DENND5B: variants seen among roughly 807,000 people sequenced by gnomAD.
DENND5B encodes DENN domain-containing protein 5B.
In DENND5B, 34 loss-of-function variants were observed where a neutral mutation model predicts 140.6. That is an observed-to-expected ratio of 0.24 (90% CI 0.18 to 0.32). DENND5B has a LOEUF of 0.32. Among genes scored for constraint, DENND5B ranks in the 10% least tolerant of loss-of-function variants. DENND5B has a pLI of 1.00. For synonymous variants in DENND5B, 551 were observed against 562.1 expected, an observed-to-expected ratio of 0.98 and a Z score of 0.28; for missense variants, 1,142 against 1,560.2, an observed-to-expected ratio of 0.73 and a Z score of 4.52.
At chr12:31,401,853 G>C (rs1439911387) in intron 15 of DENND5B, among the ~76,000 whole-genome samples, 1 of 152,026 alleles carries the variant, frequency 6.6e-6, no homozygotes. Context: ...TCAAACTCCT[G>C]GGCTCAAGCA....
intron 1 of DENND5B, among the ~76,000 whole-genome samples, chr12:31,573,631 T>C (rs149617287): frequency 1.3e-5 from 2 of 152,370 alleles, no homozygotes; most frequent in South Asian, 4.1e-4. Flanking sequence ...TCAACACTTG[T>C]GCAAGAGACT....
At position 31,587,526 on chromosome 12, in the gene DENND5B, C is replaced by CTTTTTTTTTT. The variant is rs71460995; in HGVS notation, c.127+3170_127+3179dup. Reference sequence around the variant, plus strand: ...CAACAACTTCTCTCACCACAAATACCTTTTTTTTTTTTTTTTTTTTTTTTT... The same window carrying CTTTTTTTTTT: ...CAACAACTTCTCTCACCACAAATACCTTTTTTTTTTTTTTTTTTTTTTTTTTTTTTTTTTT... On this transcript the variant is annotated intron_variant, in intron 1 of 20. Coordinates refer to ENST00000389082, the MANE Select transcript of DENND5B (RefSeq NM_144973.4). Among the ~76,000 whole-genome samples, 3 of 74,948 alleles carry CTTTTTTTTTT rather than the reference C, an allele frequency of 4.0e-5. 1 individual carries two copies. Among genetic ancestry groups the CTTTTTTTTTT allele is most frequent in the African/African-American group, 1.4e-4 (3 of 20,792 alleles). The allele number at this position is 74,948 out of a possible 152,430, so 49.2% of individuals were successfully genotyped here. A position where few individuals can be genotyped will look rare whatever the true frequency, so the allele number is the denominator to read the frequency against.
chr12:31,448,135 G>GT (rs536837626), intron 5 of DENND5B, among the ~76,000 whole-genome samples: 3,422 of 145,484 alleles, frequency 0.024, 53 homozygotes, highest in South Asian at 0.056. Flanking sequence ...TTGTAATTTC[G>GT]TTTTTTTTTT....
At chr12:31,584,691 G>T (rs1950333993) in intron 1 of DENND5B, among the ~76,000 whole-genome samples, 1 of 151,978 alleles carries the variant, frequency 6.6e-6, no homozygotes, top group African/African-American at 2.4e-5. Context: ...GCCAGGCATG[G>T]TGGCACATGC....
Position 31,590,951 on chromosome 12 carries a change from CCATGGCCGCG to C in DENND5B, c.-129_-120del. On this transcript the variant is annotated 5_prime_UTR_variant, in exon 1 of 21. The change abolishes an upstream ATG in the 5' untranslated region. Transcript: ENST00000389082. ...CCGCCCTAGGGCGACACTGGCGCGC[CCATGGCCGCG>C]CAGCCGCCTCTCGCCGCCGCAGCCT... 1 of 1,081,016 alleles carries C rather than the reference CCATGGCCGCG, an allele frequency of 9.3e-7. No homozygotes were observed. Among genetic ancestry groups the C allele is most frequent in the East Asian group, 5.2e-5 (1 of 19,370 alleles). The allele number at this position is 1,081,016 out of a possible 1,614,324, so 67.0% of individuals were successfully genotyped here. A position where few individuals can be genotyped will look rare whatever the true frequency, so the allele number is the denominator to read the frequency against.
intron 1 of DENND5B, among the ~76,000 whole-genome samples, chr12:31,521,586 C>A (rs181942968): frequency 2.6e-5 from 4 of 152,126 alleles, no homozygotes; most frequent in Non-Finnish European, 4.4e-5. Context: ...ATACAAGATG[C>A]CTACATAAAA....
intron 2 of DENND5B, among the ~76,000 whole-genome samples, chr12:31,480,854 T>TA (rs1946042854): frequency 6.6e-6 from 1 of 152,184 alleles, no homozygotes; most frequent in South Asian, 2.1e-4. Flanking sequence ...TTTGATCTAC[T>TA]AAAGCAGAAG....
chr12:31,521,046 C>G (rs955178457), intron 1 of DENND5B, among the ~76,000 whole-genome samples: 2 of 151,700 alleles, frequency 1.3e-5, no homozygotes, highest in African/African-American at 4.8e-5. Flanking sequence ...ACTCAAGTCA[C>G]ATGTGGCTAA....
At chr12:31,500,258 C>T (rs1317432263) in intron 1 of DENND5B, 3 of 408,806 alleles carry the variant, frequency 7.3e-6, no homozygotes, top group South Asian at 3.5e-5. Flanking sequence ...AAGAGCATCC[C>T]TAATTAGAAA....
chr12:31,457,044 T>A (rs1267210725), intron 4 of DENND5B, among the ~76,000 whole-genome samples: 1 of 152,182 alleles, frequency 6.6e-6, no homozygotes, highest in Non-Finnish European at 1.5e-5. Flanking sequence ...TGCCACCACA[T>A]TCCTGCCTGG....
rs149645342 is a variant in DENND5B at position 31,495,389 on chromosome 12, C to CTTTTTT, written c.237+415_237+420dup. 3.7e-5 allele frequency among the ~76,000 whole-genome samples: 5 copies of CTTTTTT among 136,198 alleles called. 1 individual carries two copies. Among genetic ancestry groups the CTTTTTT allele is most frequent in the Non-Finnish European group, 4.6e-5 (3 of 64,972 alleles). 89.4% of individuals were successfully genotyped at this position (136,198 alleles called of 152,430 possible). ...GAGAGTATCACATTTCTTTTTTTTTCTTTTTTTGAGACAGAGTCTCGCTCT... is the reference window on the plus strand; with the variant it reads ...GAGAGTATCACATTTCTTTTTTTTTCTTTTTTTTTTTTTGAGACAGAGTCTCGCTCT... On this transcript the variant is annotated intron_variant, in intron 2 of 20. Coordinates refer to ENST00000389082, the MANE Select transcript of DENND5B (RefSeq NM_144973.4).
At chr12:31,569,318 C>T (rs1472597421) in intron 1 of DENND5B, among the ~76,000 whole-genome samples, 1 of 152,182 alleles carries the variant, frequency 6.6e-6, no homozygotes, top group Non-Finnish European at 1.5e-5. Context: ...ATTCACCTGC[C>T]TCCCAAAGTT....
intron 4 of DENND5B, among the ~76,000 whole-genome samples, chr12:31,457,057 G>T (rs1245223607): frequency 6.6e-6 from 1 of 152,204 alleles, no homozygotes; most frequent in African/African-American, 2.4e-5. Context: ...CTGCCTGGGT[G>T]ACAGAGTGAG....
intron 14 of DENND5B, among the ~76,000 whole-genome samples, chr12:31,403,084 T>TTGGACA (rs1196049179): frequency 6.6e-6 from 1 of 152,238 alleles, no homozygotes; most frequent in East Asian, 1.9e-4. Context: ...GGATGACTTC[T>TTGGACA]TGGACAGTAT....
intron 3 of DENND5B, among the ~76,000 whole-genome samples, chr12:31,466,555 T>A (rs1218836384): frequency 6.6e-6 from 1 of 151,996 alleles, no homozygotes; most frequent in Non-Finnish European, 1.5e-5. Flanking sequence ...TAGCTGGGCA[T>A]GGTGGCATGC....
rs1037027617 is a variant in DENND5B, at chr12:31,452,231, C to T, written c.1338G>A (p.Glu446=). The stretch of plus-strand genomic sequence containing the variant: ...CTATGGTTTCATTGCCCTTCAGTAA[C>T]TCATACATGCTGATGTTATTAGTAC... ...NVCTNNISMY[E]LLKGNETIAR... The change falls in exon 5 of 21, where the codon GAG becomes GAA. Residue 446 remains glutamate, a synonymous_variant. Transcript: ENST00000389082. The T allele has an allele frequency of 1.2e-6, 2 of 1,614,002 alleles. No individual in the cohort carries two copies. The highest frequency in any genetic ancestry group is 1.7e-6 in the Non-Finnish European group (2 of 1,179,894).
rs180794933 is a variant in DENND5B at position 31,568,857 on chromosome 12, C to A, written c.127+21849G>T. 2.6e-5 allele frequency among the ~76,000 whole-genome samples: 4 copies of A among 152,178 alleles called. No homozygotes were observed. In the East Asian group the frequency reaches 7.7e-4, roughly 29 times the overall value. ...TGATAGAGAACTCCAAAGGCTGATT[C>A]AACCTCTTTTCCCAAGTCATCTCCC... On this transcript the variant is annotated intron_variant, in intron 1 of 20. Coordinates refer to ENST00000389082, the MANE Select transcript of DENND5B (RefSeq NM_144973.4).
At chr12:31,490,341 G>A (rs974124921) in intron 2 of DENND5B, among the ~76,000 whole-genome samples, 1 of 152,194 alleles carries the variant, frequency 6.6e-6, no homozygotes, top group South Asian at 2.1e-4. Flanking sequence ...GCTAGGCATC[G>A]TGGATCACAC....
At chr12:31,437,138 GC>G (rs1174192766) in intron 7 of DENND5B, among the ~76,000 whole-genome samples, 2 of 101,444 alleles carry the variant, frequency 2.0e-5, no homozygotes, top group Admixed American at 3.0e-4. Flanking sequence ...TATAGCACCT[GC>G]CCCCCCCTTT....
Sources: allele counts gnomAD v4.1 joint callset (sites outside exome capture counted in the v4.1 genomes callset), GRCh38; gene constraint gnomAD v4.1.1; transcripts MANE v1.5; gene names NCBI Gene and HGNC (gene_info 2026-07-23, HGNC 2026-07-21).